PCSK5: variants seen among roughly 807,000 people sequenced by gnomAD.
The protein encoded by PCSK5 is prohormone convertase 5.
PCSK5 carries 129 observed loss-of-function variants against 233.2 expected under a neutral mutation model. The ratio of observed to expected loss-of-function variants is 0.55; its 90% CI spans 0.48 to 0.64. PCSK5 has a LOEUF of 0.64. Among genes scored for constraint, PCSK5 ranks in the 30% least tolerant of loss-of-function variants. The pLI is 0.00. For synonymous variants in PCSK5, 825 were observed against 879.2 expected, an observed-to-expected ratio of 0.94 and a Z score of 1.09; for missense variants, 2,076 against 2,430.1, an observed-to-expected ratio of 0.85 and a Z score of 3.06.
chr9:76,071,220 C>CA (rs1830469836), intron 6 of PCSK5, among the ~76,000 whole-genome samples: 6 of 151,860 alleles, frequency 4.0e-5, no homozygotes, highest in Admixed American at 3.9e-4. Flanking sequence ...AATAACTTAG[C>CA]AAAAAAAGAA....
intron 20 of PCSK5, among the ~76,000 whole-genome samples, chr9:76,209,351 T>G (rs929601559): frequency 2.6e-5 from 4 of 152,228 alleles, no homozygotes; most frequent in Non-Finnish European, 5.9e-5. Flanking sequence ...GTTCAGCTTT[T>G]TGGTTCATAG....
chr9:75,933,335 T>G (rs1388378038), intron 2 of PCSK5, among the ~76,000 whole-genome samples: 1 of 152,196 alleles, frequency 6.6e-6, no homozygotes, highest in Non-Finnish European at 1.5e-5. Context: ...CTGTACCAAC[T>G]TGCCCTAGTT....
rs1404627046 is a variant in PCSK5, at chr9:76,289,529, C to T, written c.3143-2704C>T. Among the ~76,000 whole-genome samples the T allele has an allele frequency of 8.8e-3, 829 of 94,716 alleles. 11 individuals are homozygous for T. Among genetic ancestry groups the T allele is most frequent in the African/African-American group, 0.025 (737 of 29,592 alleles). The allele number at this position is 94,716 out of a possible 152,430, so 62.1% of individuals were successfully genotyped here. On this transcript the variant is annotated intron_variant, in intron 24 of 37. Coordinates refer to ENST00000674117, the MANE Select transcript of PCSK5 (RefSeq NM_001372043.1). ...CACACACGCAACATACACACACACA[C>T]ACACACACACACACACACTAGAAGC... is the stretch of plus-strand genomic sequence containing the variant.
intron 2 of PCSK5, among the ~76,000 whole-genome samples, chr9:75,969,032 C>T (rs897589108): frequency 3.7e-3 from 31 of 8,482 alleles, no homozygotes; most frequent in African/African-American, 0.012. Flanking sequence ...CCCTCTATGG[C>T]GGGGGGTGGG....
intron 2 of PCSK5, among the ~76,000 whole-genome samples, chr9:75,955,138 G>A (rs1825036227): frequency 6.6e-6 from 1 of 152,122 alleles, no homozygotes; most frequent in Non-Finnish European, 1.5e-5. Flanking sequence ...TCTGTCAATC[G>A]ATGCTTCCGA....
At chr9:76,045,679 C>G (rs1829341549) in intron 5 of PCSK5, among the ~76,000 whole-genome samples, 1 of 152,228 alleles carries the variant, frequency 6.6e-6, no homozygotes, top group South Asian at 2.1e-4. Context: ...CTTTTCTACC[C>G]TTCACAAAGT....
chr9:76,248,436 A>G (rs1826688945), intron 24 of PCSK5, among the ~76,000 whole-genome samples: 1 of 152,210 alleles, frequency 6.6e-6, no homozygotes, highest in Non-Finnish European at 1.5e-5. Flanking sequence ...AGAGAGGGGA[A>G]TAGAATAAAA....
At chr9:76,072,597 A>G (rs1328730298) in intron 7 of PCSK5, among the ~76,000 whole-genome samples, 1 of 152,144 alleles carries the variant, frequency 6.6e-6, no homozygotes, top group East Asian at 1.9e-4. Context: ...TCATGAATGG[A>G]CCTTTGGGTG....
At chr9:76,267,962 C>T (rs1033216321) in intron 24 of PCSK5, among the ~76,000 whole-genome samples, 39 of 147,510 alleles carry the variant, frequency 2.6e-4, no homozygotes, top group African/African-American at 8.6e-4. Flanking sequence ...CACACACACA[C>T]ACACACACAC....
rs1419193916 is a variant in PCSK5 at position 76,121,912 on chromosome 9, C to T, written c.1209-12197C>T. On this transcript the variant is annotated intron_variant, in intron 9 of 37. Coordinates refer to ENST00000674117, the MANE Select transcript of PCSK5 (RefSeq NM_001372043.1). ...GATCTCGGCTCACTGCAAGCTCCGC[C>T]TCCCGGGTTCACGCCATTCTCCTGC... Among the ~76,000 whole-genome samples, 4 of 48,290 alleles carry T rather than the reference C, an allele frequency of 8.3e-5. 2 individuals are homozygous for T. The Admixed American group carries it at 9.9e-4, about 12-fold the overall frequency. 31.7% of individuals were successfully genotyped at this position (48,290 alleles called of 152,430 possible). A position where few individuals can be genotyped will look rare whatever the true frequency, so the allele number is the denominator to read the frequency against.
intron 27 of PCSK5, among the ~76,000 whole-genome samples, chr9:76,297,563 T>C (rs188715689): frequency 9.2e-5 from 14 of 152,278 alleles, no homozygotes; most frequent in Admixed American, 7.8e-4. Context: ...GCGTCAGTTA[T>C]AGGCTTCCTT....
chr9:76,068,012 A>T lies in PCSK5; in HGVS notation c.690A>T (p.Thr230=). 6.2e-7 allele frequency: 1 copy of T among 1,614,052 alleles called. No individual in the cohort carries two copies. The highest frequency in any genetic ancestry group is 8.5e-7 in the Non-Finnish European group (1 of 1,179,888). ...CCGCTGCAAACAATTCGCACTGCAC[A>T]GTCGGAATTGCTTTCAACGCCAAGA... ...VAAAANNSHC[T]VGIAFNAKIG... Residue 230 remains threonine, a synonymous_variant, in exon 6 of 38, where the codon ACA becomes ACT. Coordinates refer to ENST00000674117, the MANE Select transcript of PCSK5 (RefSeq NM_001372043.1).
chr9:76,122,419 A>G lies in PCSK5; in HGVS notation c.1209-11690A>G, dbSNP rs552823139. Among the ~76,000 whole-genome samples the G allele has an allele frequency of 1.1e-3, 174 of 152,224 alleles. 2 individuals carry two copies. The highest frequency in any genetic ancestry group is 4.0e-3 in the African/African-American group (166 of 41,548). On this transcript the variant is annotated intron_variant, in intron 9 of 37. Coordinates refer to ENST00000674117, the MANE Select transcript of PCSK5 (RefSeq NM_001372043.1). ...TGATAGACTGTTATTTTCTAATGAT[A>G]TTTTCACTTGCTGTTTGATAGAATG...
chr9:75,993,342 A>G (rs1826857459), intron 3 of PCSK5, among the ~76,000 whole-genome samples: 1 of 152,160 alleles, frequency 6.6e-6, no homozygotes, highest in East Asian at 1.9e-4. Context: ...TGTGACCTCT[A>G]GAAAGGTATT....
At chr9:75,980,665 C>A (rs1232613976) in intron 2 of PCSK5, among the ~76,000 whole-genome samples, 4 of 151,840 alleles carry the variant, frequency 2.6e-5, no homozygotes, top group Non-Finnish European at 5.9e-5. Context: ...AAAAACTCCT[C>A]ATTAATGATA....
chr9:75,968,859 C>T (rs1444779008), intron 2 of PCSK5, among the ~76,000 whole-genome samples: 1 of 152,186 alleles, frequency 6.6e-6, no homozygotes, highest in Non-Finnish European at 1.5e-5. Context: ...GTGTGACCTT[C>T]TTTATTATAG....
chr9:76,037,170 C>T (rs1286037726), intron 5 of PCSK5, among the ~76,000 whole-genome samples: 1 of 152,144 alleles, frequency 6.6e-6, no homozygotes, highest in Admixed American at 6.6e-5. Flanking sequence ...AGCAAGGAGT[C>T]AGCCACCATC....
chr9:76,222,975 G>C (rs1825778189), intron 20 of PCSK5, among the ~76,000 whole-genome samples: 1 of 152,126 alleles, frequency 6.6e-6, no homozygotes, highest in African/African-American at 2.4e-5. Context: ...TGTGATAGTA[G>C]AATCACTCAT....
intron 10 of PCSK5, among the ~76,000 whole-genome samples, chr9:76,152,884 C>T (rs1050805091): frequency 3.3e-5 from 5 of 152,152 alleles, no homozygotes; most frequent in African/African-American, 1.2e-4. Flanking sequence ...GTGCGCCTAA[C>T]AATTATCTTC....
Sources: allele counts gnomAD v4.1 joint callset (sites outside exome capture counted in the v4.1 genomes callset), GRCh38; gene constraint gnomAD v4.1.1; transcripts MANE v1.5; gene names NCBI Gene and HGNC (gene_info 2026-07-23, HGNC 2026-07-21).